The following STIM2 variants were observed in gnomAD, a reference collection of about 807,000 sequenced individuals.
The protein encoded by STIM2 is stromal interaction molecule 2.
In STIM2, 31 loss-of-function variants were observed where a neutral mutation model predicts 85.8. That is an observed-to-expected ratio of 0.36 (90% confidence interval 0.27 to 0.49). The LOEUF (loss-of-function observed/expected upper bound fraction) is 0.49, where lower values mean the gene tolerates loss of function less well. Ranked by LOEUF, STIM2 falls within the 20% of genes least tolerant of loss-of-function variation. The probability of loss-of-function intolerance (pLI) is 0.98; values close to 1 mark genes in which losing one functional copy is unlikely to be tolerated. For missense variants in STIM2, 841 were observed against 927.6 expected (o/e 0.91, Z 1.21); for synonymous variants, 356 against 331.1 (o/e 1.08, Z -0.82).
chr4:26,975,390 G>T (rs1326472826), intron 3 of STIM2, among the ~76,000 whole-genome samples: 1 of 152,086 alleles, frequency 6.6e-6, no homozygotes, highest in African/African-American at 2.4e-5. Flanking sequence ...ATCTACTTTT[G>T]GTCTTTGATG....
chr4:26,896,778 T>A (rs1723726063), intron 1 of STIM2, among the ~76,000 whole-genome samples: 1 of 152,208 alleles, frequency 6.6e-6, no homozygotes, highest in Non-Finnish European at 1.5e-5. Context: ...TTGTGTATAA[T>A]TCTTTGTACA....
intron 1 of STIM2, among the ~76,000 whole-genome samples, chr4:26,900,551 A>G (rs751687953): frequency 6.6e-6 from 1 of 152,174 alleles, no homozygotes; most frequent in Admixed American, 6.5e-5. Context: ...TGGTTACTGC[A>G]TGGCTTTGTA....
At chr4:26,914,181 C>T (rs545295459) in intron 1 of STIM2, among the ~76,000 whole-genome samples, 4 of 152,192 alleles carry the variant, frequency 2.6e-5, no homozygotes, top group African/African-American at 7.2e-5. Context: ...ATCTGGCCTT[C>T]GCTTATACTT....
chr4:26,956,540 C>T (rs1218816600), intron 2 of STIM2, among the ~76,000 whole-genome samples: 1 of 151,178 alleles, frequency 6.6e-6, no homozygotes, highest in East Asian at 1.9e-4. Context: ...AACTCCTGGG[C>T]TCAAGCAATT....
intron 3 of STIM2, among the ~76,000 whole-genome samples, chr4:26,983,379 C>T (rs1727473708): frequency 6.6e-6 from 1 of 152,138 alleles, no homozygotes; most frequent in Non-Finnish European, 1.5e-5. Context: ...TTATTTTTGC[C>T]ACTGATAATA....
At chr4:26,872,227 G>C (rs1270744059) in intron 1 of STIM2, among the ~76,000 whole-genome samples, 1 of 152,184 alleles carries the variant, frequency 6.6e-6, no homozygotes, top group African/African-American at 2.4e-5. Context: ...ACCGGACCAT[G>C]AGTGGTCCGA....
chr4:26,942,797 C>T (rs1334296024), intron 2 of STIM2, among the ~76,000 whole-genome samples: 1 of 152,078 alleles, frequency 6.6e-6, no homozygotes, highest in African/African-American at 2.4e-5. Context: ...ACGTATTAGT[C>T]TGTACATTGC....
intron 10 of STIM2, 56 bp downstream of exon 10, chr4:27,009,058 T>A: frequency 6.8e-7 from 1 of 1,474,608 alleles, no homozygotes; most frequent in South Asian, 1.2e-5. Flanking sequence ...AATTTTCTCC[T>A]ATGTCCTTTT....
At chr4:26,947,367 C>G (rs115678997) in intron 2 of STIM2, among the ~76,000 whole-genome samples, 1 of 152,008 alleles carries the variant, frequency 6.6e-6, no homozygotes, top group Non-Finnish European at 1.5e-5. Flanking sequence ...AAATTCATAT[C>G]GAAACGTATT....
At chr4:26,919,035 C>T (rs1015500482) in intron 1 of STIM2, among the ~76,000 whole-genome samples, 4 of 151,744 alleles carry the variant, frequency 2.6e-5, no homozygotes, top group African/African-American at 7.3e-5. Context: ...TTTACATTTC[C>T]TTTCCCTTTT....
At chr4:27,010,385 A>G (rs1247755215) in intron 10 of STIM2, among the ~76,000 whole-genome samples, 1 of 152,220 alleles carries the variant, frequency 6.6e-6, no homozygotes, top group Non-Finnish European at 1.5e-5. Context: ...CAGAGGCTGC[A>G]GTGAGCCGAG....
chr4:26,868,108 A>C (rs2109425830), intron 1 of STIM2, among the ~76,000 whole-genome samples: 1 of 152,362 alleles, frequency 6.6e-6, no homozygotes, highest in South Asian at 2.1e-4. Flanking sequence ...TTCAGGATTA[A>C]GGCTAGGAGC....
intron 2 of STIM2, among the ~76,000 whole-genome samples, chr4:26,935,606 C>G (rs1725364020): frequency 6.6e-6 from 1 of 152,140 alleles, no homozygotes; most frequent in Non-Finnish European, 1.5e-5. Flanking sequence ...CACCCCAACC[C>G]TACTGAATCA....
intron 2 of STIM2, among the ~76,000 whole-genome samples, chr4:26,940,964 A>G (rs1345285981): frequency 1.3e-5 from 2 of 152,176 alleles, no homozygotes; most frequent in Non-Finnish European, 2.9e-5. Flanking sequence ...CTGCTGGTCC[A>G]GGGACCATGC....
chr4:26,866,628 G>A (rs945662634), intron 1 of STIM2, among the ~76,000 whole-genome samples: 6 of 152,138 alleles, frequency 3.9e-5, no homozygotes, highest in Non-Finnish European at 8.8e-5. Context: ...ATGCAAGAAG[G>A]AAGAAGATTG....
rs547947173 is a variant in STIM2 at position 26,970,773 on chromosome 4, G to A, written c.397+13047G>A. Among the ~76,000 whole-genome samples the A allele has an allele frequency of 4.8e-3, 737 of 152,216 alleles. 5 individuals carry two copies. Among genetic ancestry groups the A allele is most frequent in the African/African-American group, 0.017 (714 of 41,520 alleles). The stretch of plus-strand genomic sequence containing the variant: ...GTATATACCCAGTAATGGGATGGCT[G>A]GGTCAAATGGTAATTCTAGTTCTAG... On this transcript the variant is annotated intron_variant, in intron 3 of 11. Coordinates refer to ENST00000467087, the MANE Select transcript of STIM2 (RefSeq NM_020860.4).
chr4:26,935,031 G>A lies in STIM2; in HGVS notation c.282+15397G>A, dbSNP rs367992983. Among the ~76,000 whole-genome samples the A allele has an allele frequency of 2.6e-5, 4 of 151,372 alleles. No individual in the cohort carries two copies. The South Asian group carries it at 8.4e-4, about 32-fold the overall frequency. On this transcript the variant is annotated intron_variant, in intron 2 of 11. Transcript: ENST00000467087. Reference sequence around the variant, plus strand: ...ATATCATTTTGATAAGGGAAGACATGATTAAACTTTTTAAAATATCTTTTC... The same window carrying A: ...ATATCATTTTGATAAGGGAAGACATAATTAAACTTTTTAAAATATCTTTTC...
chr4:26,935,476 T>C (rs778367905), intron 2 of STIM2, among the ~76,000 whole-genome samples: 4 of 152,188 alleles, frequency 2.6e-5, no homozygotes, highest in Non-Finnish European at 4.4e-5. Context: ...AAGAAGTAGA[T>C]GAAAATGGAG....
rs56851120 is a variant in STIM2, at chr4:26,885,821, T to TTATATATATATATA, written c.151+24492_151+24505dup. Among the ~76,000 whole-genome samples, 59 of 84,586 alleles carry TTATATATATATATA rather than the reference T, an allele frequency of 7.0e-4. 1 individual carries two copies. Among genetic ancestry groups the TTATATATATATATA allele is most frequent in the Non-Finnish European group, 9.9e-4 (37 of 37,504 alleles). The allele number at this position is 84,586 out of a possible 152,430, so 55.5% of individuals were successfully genotyped here. On this transcript the variant is annotated intron_variant, in intron 1 of 11. Transcript: ENST00000467087. The stretch of plus-strand genomic sequence containing the variant: ...ATGAAGCCAAATTTAGCACCTCAGG[T>TTATATATATATATA]TATATATATATATATATATATATAT...
Sources: allele counts gnomAD v4.1 joint callset (sites outside exome capture counted in the v4.1 genomes callset), GRCh38; gene constraint gnomAD v4.1.1; transcripts MANE v1.5; gene names NCBI Gene and HGNC (gene_info 2026-07-23, HGNC 2026-07-21).